The following PCDHAC2 variants were observed in gnomAD, a reference collection of about 807,000 sequenced individuals.
PCDHAC2 encodes protocadherin alpha subfamily C, 2.
Under a neutral mutation model 63.3 loss-of-function variants are expected in PCDHAC2, and 24 were observed. The ratio of observed to expected loss-of-function variants is 0.38; its 90% CI spans 0.27 to 0.53. PCDHAC2 has a LOEUF of 0.53. Ranked by LOEUF, PCDHAC2 falls within the 20% of genes least tolerant of loss-of-function variation. PCDHAC2 has a pLI of 0.81. For synonymous variants in PCDHAC2, 569 were observed against 529.4 expected (o/e 1.07, Z -1.03); for missense variants, 1,181 against 1,275.2 (o/e 0.93, Z 1.12).
In PCDHAC2 at chr5:140,967,133, G is replaced by C; in HGVS notation, c.367G>C (p.Val123Leu). 6.2e-7 allele frequency: 1 copy of C among 1,611,928 alleles called. No homozygotes were observed. The highest frequency in any genetic ancestry group is 2.2e-5 in the East Asian group (1 of 44,796). The change falls in exon 1 of 4, where the codon GTG becomes CTG. Residue 123 changes from valine (V) to leucine (L), a missense_variant. Physicochemically the swap from Val to Leu is conservative, Grantham distance 32. Around this residue, in one of 3 missense-constraint regions of PCDHAC2, gnomAD observed 210 missense variants for 184.9 expected, o/e 1.14. Transcript: ENST00000289269. ...GCCTCGCTGCCTGCTCAGCTTGGAA[G>C]TGCTGGCGCACAACCCCGTGGCGGT... is the stretch of plus-strand genomic sequence containing the variant. ...QRPRCLLSLEVLAHNPVAVSA... is the reference protein window; with the variant it reads ...QRPRCLLSLELLAHNPVAVSA...
At position 140,966,894 on chromosome 5, in the gene PCDHAC2, A is replaced by G; in HGVS notation, c.128A>G (p.Gln43Arg). 1 of 1,596,438 alleles carries G rather than the reference A, an allele frequency of 6.3e-7. No individual in the cohort carries two copies. The highest frequency in any genetic ancestry group is 8.5e-7 in the Non-Finnish European group (1 of 1,175,032). Residue 43 changes from glutamine to arginine, a missense_variant, in exon 1 of 4, where the codon CAG (glutamine) becomes CGG (arginine). Gln to Arg is a conservative substitution (Grantham distance 43). Transcript: ENST00000289269. ...CTGCTACCTGGCCCTGCGGCCTCCC[A>G]GCTGCGATACTCTGTGCCAGAGGAG... is the stretch of plus-strand genomic sequence containing the variant. ...LLLLPGPAAS[Q>R]LRYSVPEEQA...
intron 1 of PCDHAC2, among the ~76,000 whole-genome samples, chr5:140,973,856 C>G (rs1349378315): frequency 6.6e-6 from 1 of 152,166 alleles, no homozygotes; most frequent in Non-Finnish European, 1.5e-5. Context: ...CCAATTTTTG[C>G]TCTCAATGAG....
At chr5:140,984,566 C>T (rs899278255) in intron 3 of PCDHAC2, among the ~76,000 whole-genome samples, 4 of 152,124 alleles carry the variant, frequency 2.6e-5, no homozygotes, top group Non-Finnish European at 5.9e-5. Context: ...TCCAACTACT[C>T]CATGGCAACC....
At chr5:140,988,471 G>A (rs1442408975) in intron 3 of PCDHAC2, among the ~76,000 whole-genome samples, 1 of 152,078 alleles carries the variant, frequency 6.6e-6, no homozygotes, top group Non-Finnish European at 1.5e-5. Context: ...TGTGGGAAGG[G>A]GAATTAGCAT....
intron 3 of PCDHAC2, among the ~76,000 whole-genome samples, chr5:141,005,404 G>A (rs1265064301): frequency 6.6e-6 from 1 of 152,166 alleles, no homozygotes; most frequent in Non-Finnish European, 1.5e-5. Context: ...CAGACTTGAA[G>A]AGTGAGGAGT....
intron 2 of PCDHAC2, among the ~76,000 whole-genome samples, chr5:140,979,895 T>G (rs1460432451): frequency 6.6e-6 from 1 of 152,222 alleles, no homozygotes; most frequent in Non-Finnish European, 1.5e-5. Context: ...TTCACCAAAC[T>G]TAGATCAGTT....
chr5:140,993,530 AG>A (rs2097570679), intron 3 of PCDHAC2, among the ~76,000 whole-genome samples: 7 of 152,044 alleles, frequency 4.6e-5, no homozygotes, highest in African/African-American at 1.7e-4. Context: ...AGACAGAGAG[AG>A]AGAGAGATAG....
intron 3 of PCDHAC2, among the ~76,000 whole-genome samples, chr5:140,993,375 C>T (rs1238667698): frequency 1.3e-5 from 2 of 151,770 alleles, no homozygotes; most frequent in Non-Finnish European, 2.9e-5. Flanking sequence ...ACCTCCCAGC[C>T]GGGTCCCTGA....
chr5:140,979,522 A>G (rs576025092), intron 2 of PCDHAC2, among the ~76,000 whole-genome samples: 1 of 152,098 alleles, frequency 6.6e-6, no homozygotes, highest in South Asian at 2.1e-4. Context: ...ATCTGTTGCT[A>G]TCTTATTGTC....
chr5:140,968,273 G>A lies in PCDHAC2; in HGVS notation c.1507G>A (p.Glu503Lys). 1 of 1,614,080 alleles carries A rather than the reference G, an allele frequency of 6.2e-7. No individual in the cohort carries two copies. The highest frequency in any genetic ancestry group is 1.3e-5 in the African/African-American group (1 of 75,056). The change falls in exon 1 of 4, where the codon GAG becomes AAG. Residue 503 changes from glutamate to lysine, a missense_variant. By Grantham distance (56) the Glu-to-Lys change is moderately conservative (BLOSUM62 1). Around this residue, in one of 3 missense-constraint regions of PCDHAC2, gnomAD observed 968 missense variants for 1,073.5 expected, o/e 0.90. Transcript: ENST00000289269. ...ATDPDEKENA[E>K]VTYSLLEREI... ...AGACCCAGATGAAAAGGAGAATGCA[G>A]AGGTGACCTACTCCCTTCTGGAGAG... is the stretch of plus-strand genomic sequence containing the variant.
chr5:140,969,261 T>G lies in PCDHAC2; in HGVS notation c.2495T>G (p.Leu832Arg), dbSNP rs2153777840. 6.2e-7 allele frequency: 1 copy of G among 1,614,180 alleles called. No homozygotes were observed. The highest frequency in any genetic ancestry group is 1.1e-5 in the South Asian group (1 of 91,074). The change falls in exon 1 of 4, where the codon CTC (leucine) becomes CGC (arginine). Residue 832 changes from leucine to arginine, a missense_variant. Physicochemically the swap from Leu to Arg is moderately radical, Grantham distance 102. Transcript: ENST00000289269. ...AQAAVTDSRN[L>R]TGQSGQNAGN... Reference sequence around the variant, plus strand: ...GCAGCAGTGACTGACAGCAGGAATCTCACAGGCCAAAGTGGTCAGAATGCT... The same window carrying G: ...GCAGCAGTGACTGACAGCAGGAATCGCACAGGCCAAAGTGGTCAGAATGCT...
intron 1 of PCDHAC2, among the ~76,000 whole-genome samples, chr5:140,977,004 A>C (rs1554238156): frequency 6.6e-6 from 1 of 152,222 alleles, no homozygotes; most frequent in East Asian, 1.9e-4. Flanking sequence ...GAAATCTTGT[A>C]ACTGTGATTC....
intron 2 of PCDHAC2, among the ~76,000 whole-genome samples, chr5:140,981,680 C>G (rs1238332235): frequency 6.6e-6 from 1 of 151,746 alleles, no homozygotes; most frequent in Non-Finnish European, 1.5e-5. Context: ...CTTCCTTCCT[C>G]CCTTCCATCA....
In PCDHAC2 at chr5:140,968,020, C is replaced by T; in HGVS notation, c.1254C>T (p.Ser418=). The T allele has an allele frequency of 1.2e-6, 2 of 1,614,202 alleles. No homozygotes were observed. Among genetic ancestry groups the T allele is most frequent in the Non-Finnish European group, 1.7e-6 (2 of 1,180,040 alleles). Residue 418 remains serine (S), a synonymous_variant, in exon 1 of 4, where the codon TCC becomes TCT. Coordinates refer to ENST00000289269, the MANE Select transcript of PCDHAC2 (RefSeq NM_018899.6). ...LPFRLNGFGN[S]YTLVVSGPLD... is the part of the protein sequence containing the mutation. ...TCCGACTGAATGGCTTTGGAAACTC[C>T]TATACACTGGTGGTGAGCGGCCCAC... is the stretch of plus-strand genomic sequence containing the variant.
rs781874469 is a variant in PCDHAC2, at chr5:140,967,699, T to C, written c.933T>C (p.Asp311=). The C allele has an allele frequency of 5.6e-6, 9 of 1,614,154 alleles. No individual in the cohort carries two copies. The highest frequency in any genetic ancestry group is 7.6e-6 in the Non-Finnish European group (9 of 1,180,034). The change falls in exon 1 of 4, where the codon GAT becomes GAC. Residue 311 remains aspartate, a synonymous_variant. Transcript: ENST00000289269. ...GGGAGAGGCAGCTCTTCAGCATAGA[T>C]GCCAGTACCGGGGAAGTGCGAGTAA... ...SDRERQLFSI[D]ASTGEVRVIG...
chr5:140,997,921 G>T lies in PCDHAC2; in HGVS notation c.2714-11706G>T, dbSNP rs553205382. On this transcript the variant is annotated intron_variant, in intron 3 of 3. Coordinates refer to ENST00000289269, the MANE Select transcript of PCDHAC2 (RefSeq NM_018899.6). ...CAAGAAGTAGAATTACAGAATCATA[G>T]GATATAAAAATATCAAATTGGCAAA... is the stretch of plus-strand genomic sequence containing the variant. Among the ~76,000 whole-genome samples the T allele has an allele frequency of 1.1e-4, 16 of 152,200 alleles. No homozygotes were observed. The South Asian group carries it at 3.3e-3, about 32-fold the overall frequency.
In PCDHAC2 at chr5:140,967,803, C is replaced by T. The variant is rs1042188546; in HGVS notation, c.1037C>T (p.Ala346Val). 1.9e-6 allele frequency: 3 copies of T among 1,614,066 alleles called. No individual in the cohort carries two copies. The highest frequency in any genetic ancestry group is 3.3e-5 in the Admixed American group (2 of 60,014). The change falls in exon 1 of 4, where the codon GCA (alanine) becomes GTA (valine). Residue 346 changes from alanine (A) to valine (V), a missense_variant. Around this residue, in one of 3 missense-constraint regions of PCDHAC2, gnomAD observed 968 missense variants for 1,073.5 expected, o/e 0.90. Coordinates refer to ENST00000289269, the MANE Select transcript of PCDHAC2 (RefSeq NM_018899.6). Reference protein sequence around the residue: ...QATDRGPVPMAGHCKVLVDIV... With the variant: ...QATDRGPVPMVGHCKVLVDIV... ...ACTGACCGGGGTCCAGTGCCCATGG[C>T]AGGTCACTGCAAGGTGCTGGTGGAC...
intron 3 of PCDHAC2, among the ~76,000 whole-genome samples, chr5:140,983,126 G>A (rs1466016868): frequency 6.6e-6 from 1 of 152,206 alleles, no homozygotes; most frequent in African/African-American, 2.4e-5. Context: ...ACATTCTGCA[G>A]ACTGACTTTT....
intron 3 of PCDHAC2, among the ~76,000 whole-genome samples, chr5:141,003,897 T>G (rs1554259369): frequency 6.6e-6 from 1 of 152,132 alleles, no homozygotes; most frequent in Non-Finnish European, 1.5e-5. Flanking sequence ...ACAGGCCCAT[T>G]CATTTGGGTC....
Sources: allele counts gnomAD v4.1 joint callset (sites outside exome capture counted in the v4.1 genomes callset), GRCh38; gene constraint gnomAD v4.1.1; regional missense constraint gnomAD v4.1.1; transcripts MANE v1.5; gene names NCBI Gene and HGNC (gene_info 2026-07-23, HGNC 2026-07-21).